Variants in TBC1D22A observed in about 807,000 individuals in gnomAD.
TBC1D22A encodes putative GTPase activator.
TBC1D22A carries 38 observed loss-of-function variants against 60.2 expected under a neutral mutation model. The ratio of observed to expected loss-of-function variants is 0.63; its 90% CI spans 0.49 to 0.83. The LOEUF is 0.83. TBC1D22A is among the 40% of genes least tolerant of loss of function. The pLI, the probability that TBC1D22A is intolerant of heterozygous loss-of-function variation, is 0.00. For missense variants in TBC1D22A, 628 were observed against 701.0 expected (o/e 0.90, Z 1.18); for synonymous variants, 302 against 281.7 (o/e 1.07, Z -0.72).
intron 12 of TBC1D22A, among the ~76,000 whole-genome samples, chr22:47,165,923 C>A (rs1264502270): frequency 6.6e-6 from 1 of 152,218 alleles, no homozygotes; most frequent in East Asian, 1.9e-4. Context: ...ACCAATTAAC[C>A]CTGCTCCCCG....
intron 4 of TBC1D22A, among the ~76,000 whole-genome samples, chr22:46,851,205 A>G (rs2087259906): frequency 6.6e-6 from 1 of 152,242 alleles, no homozygotes; most frequent in African/African-American, 2.4e-5. Context: ...CCCTAAGGTG[A>G]TCTGGAAGAG....
intron 11 of TBC1D22A, among the ~76,000 whole-genome samples, chr22:47,055,370 G>A (rs898035367): frequency 4.6e-5 from 7 of 152,216 alleles, no homozygotes; most frequent in Non-Finnish European, 1.0e-4. Context: ...AACTGATGCC[G>A]GAGTGGTCAG....
At chr22:46,875,502 G>A (rs6007978) in intron 4 of TBC1D22A, among the ~76,000 whole-genome samples, 11,364 of 151,698 alleles carry the variant, frequency 0.075, 1,129 homozygotes, top group African/African-American at 0.23. Context: ...CCCAGACTGC[G>A]GTGCAGTAGC....
rs1052385662 is a variant in TBC1D22A at position 46,876,790 on chromosome 22, G to A, written c.638-1863G>A. Among the ~76,000 whole-genome samples the A allele has an allele frequency of 2.6e-5, 4 of 152,294 alleles. No individual in the cohort carries two copies. The East Asian group carries it at 7.7e-4, about 29-fold the overall frequency. On this transcript the variant is annotated intron_variant, in intron 4 of 12. Coordinates refer to ENST00000337137, the MANE Select transcript of TBC1D22A (RefSeq NM_014346.5). ...CCACCTGTGGGTTCAGCTGCCTCTG[G>A]GCTGACTCCCCACCCCCAGGGCTGC...
intron 4 of TBC1D22A, among the ~76,000 whole-genome samples, chr22:46,832,770 G>A (rs1274225925): frequency 2.0e-5 from 3 of 152,178 alleles, no homozygotes; most frequent in Non-Finnish European, 4.4e-5. Context: ...TGGATATCTG[G>A]TGCTAACAAG....
intron 10 of TBC1D22A, among the ~76,000 whole-genome samples, chr22:47,027,955 G>A (rs1289691622): frequency 6.6e-6 from 1 of 151,690 alleles, no homozygotes; most frequent in East Asian, 1.9e-4. Context: ...CACAGTCAGG[G>A]CCCCTGGAGC....
chr22:46,906,246 A>G (rs1283653093), intron 7 of TBC1D22A, among the ~76,000 whole-genome samples: 1 of 152,218 alleles, frequency 6.6e-6, no homozygotes, highest in East Asian at 1.9e-4. Context: ...CTAAATTAAT[A>G]GCTATCGTTG....
chr22:47,083,230 G>A (rs2064541919), intron 11 of TBC1D22A, among the ~76,000 whole-genome samples: 1 of 3,574 alleles, frequency 2.8e-4, no homozygotes, highest in South Asian at 0.018. Context: ...GGATTCCACT[G>A]GTATATTCAA....
intron 12 of TBC1D22A, among the ~76,000 whole-genome samples, chr22:47,128,806 C>T (rs1487391281): frequency 6.6e-6 from 1 of 152,204 alleles, no homozygotes; most frequent in East Asian, 1.9e-4. Flanking sequence ...GTGTAACTGG[C>T]TGTGTACTGC....
chr22:46,943,857 A>G (rs1218074819), intron 8 of TBC1D22A, among the ~76,000 whole-genome samples: 1 of 151,962 alleles, frequency 6.6e-6, no homozygotes. Flanking sequence ...AATGTTTTTG[A>G]GGTTCGCCGG....
At chr22:46,995,710 G>A (rs1171645223) in intron 9 of TBC1D22A, among the ~76,000 whole-genome samples, 2 of 152,032 alleles carry the variant, frequency 1.3e-5, no homozygotes, top group Non-Finnish European at 1.5e-5. Context: ...GGGGCCTCCC[G>A]AGGGCTGACA....
chr22:46,890,691 C>T (rs776191607), intron 5 of TBC1D22A, among the ~76,000 whole-genome samples: 2 of 152,186 alleles, frequency 1.3e-5, no homozygotes, highest in Admixed American at 6.5e-5. Context: ...CCTTGTGCTG[C>T]CTGGCCCTTT....
chr22:46,953,765 A>G (rs1194555539), intron 8 of TBC1D22A, among the ~76,000 whole-genome samples: 2 of 152,222 alleles, frequency 1.3e-5, no homozygotes, highest in East Asian at 3.9e-4. Flanking sequence ...ATTTGATAGA[A>G]TTCTGTCAAA....
chr22:47,111,515 C>T lies in TBC1D22A; in HGVS notation c.1337C>T (p.Pro446Leu), dbSNP rs768020083. The T allele has an allele frequency of 4.0e-5, 64 of 1,613,686 alleles. No individual in the cohort carries two copies. Among genetic ancestry groups the T allele is most frequent in the Middle Eastern group, 1.6e-4 (1 of 6,084 alleles). ...TTATTTTTTCTCTTTTAGTCTGAAC[C>T]GGACGGCTTTTCTCATTTCCACTTG... ...IRLWDTYQSE[P>L]DGFSHFHLYV... Residue 446 changes from proline to leucine, a missense_variant, in exon 12 of 13, where the codon CCG becomes CTG. Transcript: ENST00000337137.
At chr22:46,936,413 G>A (rs2071660202) in intron 8 of TBC1D22A, among the ~76,000 whole-genome samples, 1 of 152,164 alleles carries the variant, frequency 6.6e-6, no homozygotes, top group Non-Finnish European at 1.5e-5. Flanking sequence ...GGAGCTTTCA[G>A]GATTCCTCCA....
intron 9 of TBC1D22A, among the ~76,000 whole-genome samples, chr22:46,976,203 G>A (rs2074287303): frequency 6.6e-6 from 1 of 152,142 alleles, no homozygotes; most frequent in Non-Finnish European, 1.5e-5. Flanking sequence ...CAATGAAATC[G>A]ATGCTGGCTT....
chr22:47,106,672 G>A (rs960806274), intron 11 of TBC1D22A, among the ~76,000 whole-genome samples: 1 of 151,992 alleles, frequency 6.6e-6, no homozygotes, highest in African/African-American at 2.4e-5. Context: ...CCAAAGAAAG[G>A]TCTAGGTGCA....
intron 1 of TBC1D22A, among the ~76,000 whole-genome samples, chr22:46,779,417 C>T (rs1470669705): frequency 6.6e-6 from 1 of 152,174 alleles, no homozygotes; most frequent in East Asian, 1.9e-4. Flanking sequence ...CACCACCACA[C>T]CTGGCTAATG....
At chr22:47,135,532 C>T (rs1383899038) in intron 12 of TBC1D22A, among the ~76,000 whole-genome samples, 11 of 151,936 alleles carry the variant, frequency 7.2e-5, no homozygotes, top group South Asian at 4.2e-4. Context: ...GAGTTCCACT[C>T]GGGGGGCGCA....
Sources: gnomAD v4.1 joint callset for allele counts (sites outside exome capture counted in the v4.1 genomes callset) on GRCh38, gnomAD v4.1.1 for gene constraint, MANE v1.5 for transcripts, NCBI Gene and HGNC (gene_info 2026-07-23, HGNC 2026-07-21) for gene names.